The following ELAC2 variants were observed in gnomAD, a reference collection of about 807,000 sequenced individuals.
ELAC2 encodes elaC ribonuclease Z 2.
Under a neutral mutation model 105.2 loss-of-function variants are expected in ELAC2, and 92 were observed. The observed-to-expected ratio is 0.87, with a 90% CI of 0.74 to 1.04. The LOEUF (loss-of-function observed/expected upper bound fraction) is 1.04. ELAC2 is among the 50% of genes least tolerant of loss of function. ELAC2 has a pLI of 0.00. For missense variants in ELAC2, 1,099 were observed against 1,071.7 expected, an observed-to-expected ratio of 1.03 and a Z score of -0.36; for synonymous variants, 468 against 409.1, an observed-to-expected ratio of 1.14 and a Z score of -1.74.
At chr17:12,995,576 A>T in intron 19 of ELAC2, 127 bp downstream of exon 19, 1 of 889,130 alleles carries the variant, frequency 1.1e-6, no homozygotes, top group East Asian at 2.6e-5. Context: ...TGCTTCTGCC[A>T]TCTGGGACCA....
chr17:13,015,732 A>G (rs760775062), intron 4 of ELAC2, 36 bp downstream of exon 4: 2 of 1,569,660 alleles, frequency 1.3e-6, no homozygotes, highest in Non-Finnish European at 1.8e-6. Flanking sequence ...ACAAAAGGAA[A>G]GATTGCTTTT....
At chr17:12,998,582 G>A in intron 15 of ELAC2, 74 bp from the exon 16 acceptor site, 4 of 1,355,820 alleles carry the variant, frequency 3.0e-6, no homozygotes, top group Non-Finnish European at 3.2e-6. Context: ...ATGAGAAGGT[G>A]CAATGGTTTG....
intron 11 of ELAC2, 44 bp from the exon 12 acceptor site, chr17:13,003,618 A>C: frequency 6.4e-7 from 1 of 1,565,444 alleles, no homozygotes. Flanking sequence ...CAGACTCAGG[A>C]CACACCAAGA....
intron 8 of ELAC2, among the ~76,000 whole-genome samples, chr17:13,007,760 C>CGGT (rs1469733571): frequency 2.6e-5 from 4 of 152,058 alleles, no homozygotes; most frequent in Non-Finnish European, 5.9e-5. Flanking sequence ...CACCTGAAGT[C>CGGT]CCAGCTACTC....
At chr17:13,017,431 G>A in intron 1 of ELAC2, 3 of 659,634 alleles carry the variant, frequency 4.5e-6, no homozygotes, top group Non-Finnish European at 7.7e-6. Flanking sequence ...GCACGGAAGA[G>A]GGTGGAGCTC....
At chr17:12,997,225 T>C (rs990936747) in intron 16 of ELAC2, among the ~76,000 whole-genome samples, 6 of 152,132 alleles carry the variant, frequency 3.9e-5, no homozygotes, top group Non-Finnish European at 5.9e-5. Flanking sequence ...TCACTCGGGG[T>C]TTCTGACTTG....
chr17:13,017,585 C>A, intron 1 of ELAC2, 118 bp downstream of exon 1: 1 of 1,540,298 alleles, frequency 6.5e-7, no homozygotes, highest in Non-Finnish European at 8.8e-7. Flanking sequence ...CACGAACCCC[C>A]GCAACAGTGA....
At position 12,992,902 on chromosome 17, in the gene ELAC2, C is replaced by T. The variant is rs769868918; in HGVS notation, c.2397G>A (p.Leu799=). 29 of 1,612,194 alleles carry T rather than the reference C, an allele frequency of 1.8e-5. No homozygotes were observed. Among genetic ancestry groups the T allele is most frequent in the Non-Finnish European group, 2.4e-5 (28 of 1,180,036 alleles). The part of the protein sequence containing the change: ...QVRAALLSRE[L]AGGLEDGEPQ... ...GCTCCCCATCCTCCAGGCCGCCTGCCAGCTCCCTGGACAGGAGGGCCGCCC... is the reference window on the plus strand; with the variant it reads ...GCTCCCCATCCTCCAGGCCGCCTGCTAGCTCCCTGGACAGGAGGGCCGCCC... The change falls in exon 24 of 24, where the codon CTG becomes CTA. Residue 799 remains leucine (L), a synonymous_variant. Coordinates refer to ENST00000338034, the MANE Select transcript of ELAC2 (RefSeq NM_018127.7).
At chr17:13,000,644 G>A (rs2040741236) in intron 14 of ELAC2, 2 of 338,104 alleles carry the variant, frequency 5.9e-6, no homozygotes, top group Non-Finnish European at 1.2e-5. Flanking sequence ...CCTCTGAGGG[G>A]TCAATGGTCC....
Position 13,017,735 on chromosome 17 carries a change from G to T in ELAC2, c.213C>A (p.Gly71=). Residue 71 remains glycine, a synonymous_variant, in exon 1 of 24, where the codon GGC becomes GGA. Transcript: ENST00000338034. ...QVVAAGSRDS[G]AALYVFSEFN... ...ACTCGGAGAAGACGTAGAGCGCGGC[G>T]CCCGAGTCCCGGCTACCCGCTGCCA... 6.2e-7 allele frequency: 1 copy of T among 1,612,282 alleles called. No homozygotes were observed. Among genetic ancestry groups the T allele is most frequent in the Non-Finnish European group, 8.5e-7 (1 of 1,179,612 alleles).
chr17:13,003,918 CCT>C (rs1346674374), intron 11 of ELAC2: 1 of 289,694 alleles, frequency 3.5e-6, no homozygotes, highest in African/African-American at 2.2e-5. Flanking sequence ...CCTCCTGCTC[CCT>C]CTCTCCTTCC....
chr17:12,999,308 C>G (rs1398612245), intron 15 of ELAC2, among the ~76,000 whole-genome samples: 1 of 152,172 alleles, frequency 6.6e-6, no homozygotes, highest in African/African-American at 2.4e-5. Context: ...GCACTTCGGT[C>G]GCATCCTCCC....
rs777807535 is a variant in ELAC2 at position 13,016,926 on chromosome 17, C to T, written c.303G>A (p.Lys101=). Residue 101 remains lysine (K), a synonymous_variant, in exon 3 of 24, where the codon AAG becomes AAA. Transcript: ENST00000338034. The part of the protein sequence containing the change: ...VQRLMQEHKL[K]VARLDNIFLT... The stretch of plus-strand genomic sequence containing the variant: ...GGAATATGTTGTCCAGGCGAGCAAC[C>T]TTTAACCTAAGAATGAAAAAACATT... The T allele has an allele frequency of 6.2e-7, 1 of 1,614,030 alleles. No homozygotes were observed.
chr17:13,002,820 GA>G, intron 12 of ELAC2: 1 of 598,976 alleles, frequency 1.7e-6, no homozygotes, highest in Non-Finnish European at 3.0e-6. Context: ...ACAAGAAAAA[GA>G]AGATGTCCAG....
intron 8 of ELAC2, among the ~76,000 whole-genome samples, chr17:13,010,057 AG>A (rs1339381045): frequency 6.6e-6 from 1 of 152,094 alleles, no homozygotes; most frequent in East Asian, 1.9e-4. Context: ...AGGAAATAAA[AG>A]TATGGGGTTA....
rs1182540305 is a variant in ELAC2 at position 13,017,064 on chromosome 17, G to GACTC, written c.296+3_296+6dup. 2 of 1,614,056 alleles carry GACTC rather than the reference G, an allele frequency of 1.2e-6. No homozygotes were observed. Among genetic ancestry groups the GACTC allele is most frequent in the Admixed American group, 3.3e-5 (2 of 60,008 alleles). ...ACTCCCCCTCCGAAAGCAAGAGACT[G>GACTC]ACTCACTTGTGCTCCTGCATGAGTC... On this transcript the variant is annotated splice_region_variant and intron_variant, in intron 2 of 23. Transcript: ENST00000338034.
rs941164325 is a variant in ELAC2, at chr17:12,993,111, A to G, written c.2254-66T>C. On this transcript the variant is annotated intron_variant, in intron 23 of 23. Transcript: ENST00000338034. The stretch of plus-strand genomic sequence containing the variant: ...GCAGGGGTGGGGGACAGGAGCTGGA[A>G]GGGATGCAGTCATGTGCTCACACAG... The G allele has an allele frequency of 1.8e-5, 27 of 1,506,654 alleles. No individual in the cohort carries two copies. In the South Asian group the frequency reaches 2.8e-4, roughly 16 times the overall value. The allele number at this position is 1,506,654 out of a possible 1,614,324, so 93.3% of individuals were successfully genotyped here.
chr17:13,000,404 T>A, intron 14 of ELAC2, 130 bp from the exon 15 acceptor site: 1 of 861,156 alleles, frequency 1.2e-6, no homozygotes, highest in Admixed American at 1.8e-5. Context: ...ACACTGAAGG[T>A]TAAGTGACTA....
intron 11 of ELAC2, 121 bp from the exon 12 acceptor site, chr17:13,003,695 TC>T: frequency 1.2e-6 from 1 of 847,666 alleles, no homozygotes; most frequent in Non-Finnish European, 1.9e-6. Flanking sequence ...GCTGACAGCC[TC>T]CACGCCCAGG....
Sources: gnomAD v4.1 joint callset for allele counts (sites outside exome capture counted in the v4.1 genomes callset) on GRCh38, gnomAD v4.1.1 for gene constraint, MANE v1.5 for transcripts, NCBI Gene and HGNC (gene_info 2026-07-23, HGNC 2026-07-21) for gene names.